The following ATP10B variants were observed in gnomAD, a reference collection of about 807,000 sequenced individuals.
ATP10B encodes the protein ATPase phospholipid transporting 10B (putative), also known as phospholipid-transporting ATPase VB.
In ATP10B, 122 loss-of-function variants were observed where a neutral mutation model predicts 141.2. That is an observed-to-expected ratio of 0.86 (90% CI 0.75 to 1.00). The LOEUF is 1.00. Among genes scored for constraint, ATP10B ranks in the 50% least tolerant of loss-of-function variants. ATP10B has a pLI of 0.00. For synonymous variants in ATP10B, 685 were observed against 692.0 expected, an observed-to-expected ratio of 0.99 and a Z score of 0.16; for missense variants, 1,876 against 1,825.3, an observed-to-expected ratio of 1.03 and a Z score of -0.51.
intron 1 of ATP10B, among the ~76,000 whole-genome samples, chr5:160,823,566 A>G (rs1219139384): frequency 2.6e-5 from 4 of 152,214 alleles, no homozygotes; most frequent in African/African-American, 9.6e-5. Flanking sequence ...ATTTAAGAAA[A>G]CATATTTCAG....
chr5:160,893,223 C>T, the ATP10B span, among the ~76,000 whole-genome samples: 1 of 152,144 alleles, frequency 6.6e-6, no homozygotes, highest in Admixed American at 6.5e-5. Flanking sequence ...GAAAAGGGGG[C>T]TGAAGCCATG....
rs540605471 is a variant in ATP10B at position 160,606,783 on chromosome 5, C to T, written c.3142G>A (p.Val1048Ile). ...TGGGTACCTATGGAAAGGGTCATGA[C>T]GCGCAACTTGTCTCGCACCAGCTTG... is the stretch of plus-strand genomic sequence containing the variant. ...IVKLVRDKLR[V>I]MTLSIGDGAN... The change falls in exon 19 of 26, where the codon GTC (valine) becomes ATC (isoleucine). Residue 1048 changes from valine (V) to isoleucine (I), a missense_variant. Transcript: ENST00000327245. The T allele has an allele frequency of 4.6e-5, 75 of 1,613,734 alleles. No homozygotes were observed. In the Admixed American group the frequency reaches 8.8e-4, roughly 19 times the overall value.
chr5:160,912,890 T>G, the ATP10B span, among the ~76,000 whole-genome samples: 1 of 152,188 alleles, frequency 6.6e-6, no homozygotes, highest in Non-Finnish European at 1.5e-5. Flanking sequence ...TTCCCCTGCT[T>G]CTTTGAGAAA....
At chr5:160,739,300 T>C (rs1341414348) in intron 2 of ATP10B, among the ~76,000 whole-genome samples, 2 of 152,296 alleles carry the variant, frequency 1.3e-5, no homozygotes, top group East Asian at 3.9e-4. Context: ...CTCGGAATTT[T>C]TATTCAACAT....
At position 160,755,836 on chromosome 5, in the gene ATP10B, AAAATATATATATATATATATAT is replaced by A. The variant is rs1168353160; in HGVS notation, c.-331+29701_-331+29722del. On this transcript the variant is annotated intron_variant, in intron 2 of 25. Coordinates refer to ENST00000327245, the MANE Select transcript of ATP10B (RefSeq NM_025153.3). ...TCTCAAAAAAAAAAAAAAAAAAAAA[AAAATATATATATATATATATAT>A]ATATATATATATATATATATTATAA... Among the ~76,000 whole-genome samples, 480 of 57,344 alleles carry A rather than the reference AAAATATATATATATATATATAT, an allele frequency of 8.4e-3. 12 individuals are homozygous for A. The highest frequency in any genetic ancestry group is 0.046 in the African/African-American group (446 of 9,764). 37.6% of individuals were successfully genotyped at this position (57,344 alleles called of 152,430 possible). A position where few individuals can be genotyped will look rare whatever the true frequency, so the allele number is the denominator to read the frequency against.
At chr5:160,870,653 T>C in the ATP10B span, among the ~76,000 whole-genome samples, 1 of 151,884 alleles carries the variant, frequency 6.6e-6, no homozygotes, top group Non-Finnish European at 1.5e-5. Flanking sequence ...AAATAAATGT[T>C]TGAAACAATA....
chr5:160,733,290 G>T (rs1388897427), intron 2 of ATP10B, among the ~76,000 whole-genome samples: 1 of 152,032 alleles, frequency 6.6e-6, no homozygotes, highest in Non-Finnish European at 1.5e-5. Flanking sequence ...AATAGAGAGT[G>T]AATAAGCAAT....
At chr5:160,811,948 C>T (rs1156870603) in intron 1 of ATP10B, among the ~76,000 whole-genome samples, 3 of 151,714 alleles carry the variant, frequency 2.0e-5, no homozygotes, top group Admixed American at 1.3e-4. Flanking sequence ...GTGGTGGCCA[C>T]AGGGGTGCCT....
the ATP10B span, among the ~76,000 whole-genome samples, chr5:160,920,072 A>T: frequency 1.3e-5 from 2 of 152,228 alleles, no homozygotes; most frequent in Admixed American, 1.3e-4. Flanking sequence ...AAAATAAGCA[A>T]ATGTGAAGGG....
intron 1 of ATP10B, among the ~76,000 whole-genome samples, chr5:160,844,508 G>T (rs758296246): frequency 6.6e-6 from 1 of 151,622 alleles, no homozygotes; most frequent in African/African-American, 2.4e-5. Flanking sequence ...TAATAGTTCT[G>T]ATTATGAAGT....
At chr5:160,586,426 T>C (rs1378128713) in intron 24 of ATP10B, among the ~76,000 whole-genome samples, 1 of 152,246 alleles carries the variant, frequency 6.6e-6, no homozygotes, top group Non-Finnish European at 1.5e-5. Flanking sequence ...TAAATAGTGC[T>C]GCAATAAATG....
intron 24 of ATP10B, among the ~76,000 whole-genome samples, chr5:160,577,894 A>C (rs569104483): frequency 1.5e-4 from 23 of 152,156 alleles, no homozygotes; most frequent in African/African-American, 5.5e-4. Context: ...GTTTTGAGCA[A>C]AGTTTTATAT....
intron 1 of ATP10B, among the ~76,000 whole-genome samples, chr5:160,787,124 A>ACACACACACACAC (rs1554116292): frequency 6.1e-5 from 9 of 148,294 alleles, no homozygotes; most frequent in Non-Finnish European, 1.2e-4. Context: ...ACACACACAC[A>ACACACACACACAC]CACACACACA....
At chr5:160,868,287 G>A in the ATP10B span, among the ~76,000 whole-genome samples, 3 of 151,848 alleles carry the variant, frequency 2.0e-5, no homozygotes, top group African/African-American at 7.3e-5. Context: ...TCAAACAGTT[G>A]GTTATTATCT....
At chr5:160,651,953 G>A (rs1760770699) in intron 7 of ATP10B, among the ~76,000 whole-genome samples, 1 of 152,150 alleles carries the variant, frequency 6.6e-6, no homozygotes, top group Non-Finnish European at 1.5e-5. Flanking sequence ...ACTCAGCTCA[G>A]TGGTGGGTCT....
At chr5:160,882,047 G>T in the ATP10B span, among the ~76,000 whole-genome samples, 1 of 152,052 alleles carries the variant, frequency 6.6e-6, no homozygotes, top group Non-Finnish European at 1.5e-5. Context: ...TTCCAGAAAA[G>T]GTAAAACTCT....
intron 3 of ATP10B, among the ~76,000 whole-genome samples, chr5:160,690,681 G>A (rs187887615): frequency 4.6e-5 from 7 of 152,286 alleles, no homozygotes; most frequent in Admixed American, 4.6e-4. Context: ...AGTTAGAATG[G>A]TGATCATTAA....
chr5:160,569,487 T>C lies in ATP10B; in HGVS notation c.3938+9A>G, dbSNP rs755414630. On this transcript the variant is annotated intron_variant, in intron 25 of 25. Transcript: ENST00000327245. ...TTTTAGGAAAGAAACACAGCCCTAG[T>C]GCTCAAACCTTGGGAGAAGAGCAAC... is the stretch of plus-strand genomic sequence containing the variant. 4 of 1,613,570 alleles carry C rather than the reference T, an allele frequency of 2.5e-6. No homozygotes were observed. Among genetic ancestry groups the C allele is most frequent in the Non-Finnish European group, 3.4e-6 (4 of 1,179,672 alleles).
chr5:160,635,281 C>G (rs1323506896), intron 11 of ATP10B, among the ~76,000 whole-genome samples: 1 of 152,024 alleles, frequency 6.6e-6, no homozygotes, highest in African/African-American at 2.4e-5. Flanking sequence ...GAAAGCCAGG[C>G]ACAGGCCTGG....
Sources: allele counts gnomAD v4.1 joint callset (sites outside exome capture counted in the v4.1 genomes callset), GRCh38; gene constraint gnomAD v4.1.1; transcripts MANE v1.5; gene names NCBI Gene and HGNC (gene_info 2026-07-23, HGNC 2026-07-21).